CABIN1: variants seen among roughly 807,000 people sequenced by gnomAD.
CABIN1 encodes calcineurin-binding protein cabin-1.
In CABIN1, 133 loss-of-function variants were observed where a neutral mutation model predicts 227.7. The ratio of observed to expected loss-of-function variants is 0.58; its 90% CI spans 0.51 to 0.67. CABIN1 has a LOEUF of 0.67. Among genes scored for constraint, CABIN1 ranks in the 30% least tolerant of loss-of-function variants. The probability of loss-of-function intolerance (pLI) is 0.00; values close to 1 mark genes in which losing one functional copy is unlikely to be tolerated. For synonymous variants in CABIN1, 1,086 were observed against 1,155.1 expected, an observed-to-expected ratio of 0.94 and a Z score of 1.21; for missense variants, 2,408 against 2,852.5, an observed-to-expected ratio of 0.84 and a Z score of 3.55.
At chr22:24,033,251 TCA>T in intron 1 of CABIN1, among the ~76,000 whole-genome samples, 1 of 152,350 alleles carries the variant, frequency 6.6e-6, no homozygotes, top group African/African-American at 2.4e-5. Context: ...TTAAGAGAAC[TCA>T]GAGCCTATTG....
In CABIN1 at chr22:24,093,192, C is replaced by G. The variant is rs550158388; in HGVS notation, c.3786+1349C>G. Among the ~76,000 whole-genome samples the G allele has an allele frequency of 2.0e-5, 3 of 152,322 alleles. No individual in the cohort carries two copies. In the East Asian group the frequency reaches 5.8e-4, roughly 29 times the overall value. On this transcript the variant is annotated intron_variant, in intron 24 of 36. Transcript: ENST00000263119. ...TCGTACTGACTGATGAGAGTGTTTG[C>G]TTTCCCTCAGCCATATTGATGAGGT...
chr22:24,033,483 A>C (rs1343041443), intron 1 of CABIN1, among the ~76,000 whole-genome samples: 2 of 152,224 alleles, frequency 1.3e-5, no homozygotes, highest in Non-Finnish European at 2.9e-5. Flanking sequence ...TTAATTGATA[A>C]AAGTGGAGCA....
intron 4 of CABIN1, among the ~76,000 whole-genome samples, chr22:24,039,371 G>A (rs2037182713): frequency 6.6e-6 from 1 of 152,094 alleles, no homozygotes; most frequent in South Asian, 2.1e-4. Context: ...TGAGAAGAAA[G>A]CATCTGTTCC....
chr22:24,105,612 GT>G (rs2042468167), intron 26 of CABIN1, among the ~76,000 whole-genome samples: 1 of 152,116 alleles, frequency 6.6e-6, no homozygotes, highest in Non-Finnish European at 1.5e-5. Flanking sequence ...GTCCCTGGAG[GT>G]TCCATCCAGG....
intron 19 of CABIN1, among the ~76,000 whole-genome samples, chr22:24,082,143 G>A (rs2040851899): frequency 7.2e-6 from 1 of 139,676 alleles, no homozygotes; most frequent in Non-Finnish European, 1.5e-5. Flanking sequence ...TGCTAAGAGT[G>A]CAGTGGTACG....
intron 7 of CABIN1, 23 bp from the exon 8 acceptor site, chr22:24,050,802 C>A: frequency 6.2e-7 from 1 of 1,614,046 alleles, no homozygotes; most frequent in Non-Finnish European, 8.5e-7. Context: ...ATGATAATTT[C>A]TCCCTGTCTC....
intron 26 of CABIN1, among the ~76,000 whole-genome samples, chr22:24,104,846 G>A (rs574923547): frequency 3.1e-4 from 47 of 152,140 alleles, no homozygotes; most frequent in Admixed American, 5.2e-4. Flanking sequence ...TTTCCTGGTC[G>A]GCAGGACATT....
rs776841454 is a variant in CABIN1, at chr22:24,097,999, C to A, written c.3939-15C>A. ...TGGAGACTCTGACCTGTGCCCCAAA[C>A]CTCTGTTCCCACAGGGAGAAGGCCT... On this transcript the variant is annotated splice_polypyrimidine_tract_variant and intron_variant, in intron 25 of 36. Coordinates refer to ENST00000263119, the MANE Select transcript of CABIN1 (RefSeq NM_012295.4). 1.2e-6 allele frequency: 2 copies of A among 1,614,028 alleles called. No homozygotes were observed. Among genetic ancestry groups the A allele is most frequent in the African/African-American group, 1.3e-5 (1 of 74,924 alleles).
chr22:24,171,759 G>A lies in CABIN1; in HGVS notation c.5804G>A (p.Arg1935Gln), dbSNP rs376189661. Residue 1935 changes from arginine to glutamine, a missense_variant, in exon 34 of 37, where the codon CGA becomes CAA. Physicochemically the swap from Arg to Gln is conservative, Grantham distance 43. Transcript: ENST00000263119. ...ACTCCAAAGCACCCCAAAGACAGCC[G>A]AGAGAACTTCTTTCCTGTGACAGTG... ...PTTPKHPKDS[R>Q]ENFFPVTVVP... The A allele has an allele frequency of 6.1e-5, 99 of 1,614,066 alleles. No homozygotes were observed. The highest frequency in any genetic ancestry group is 1.6e-4 in the Middle Eastern group (1 of 6,084).
At chr22:24,089,973 T>C (rs2041434693) in intron 23 of CABIN1, among the ~76,000 whole-genome samples, 2 of 152,204 alleles carry the variant, frequency 1.3e-5, no homozygotes, top group African/African-American at 2.4e-5. Flanking sequence ...TGAGCCCCTC[T>C]CATGGGCACC....
Position 24,167,016 on chromosome 22 carries a change from T to G in CABIN1, c.5385T>G (p.Thr1795=). Residue 1795 remains threonine, a synonymous_variant, in exon 32 of 37, where the codon ACT becomes ACG. Coordinates refer to ENST00000263119, the MANE Select transcript of CABIN1 (RefSeq NM_012295.4). The part of the protein sequence containing the change: ...ARDRGPESRP[T]ELSLEELSIS... Reference sequence around the variant, plus strand: ...ACCGGGGCCCCGAGAGCCGGCCCACTGAGCTGTCCCTGGAGGAGCTGAGCA... The same window carrying G: ...ACCGGGGCCCCGAGAGCCGGCCCACGGAGCTGTCCCTGGAGGAGCTGAGCA... The G allele has an allele frequency of 4.5e-6, 7 of 1,556,982 alleles. No individual in the cohort carries two copies. The highest frequency in any genetic ancestry group is 6.1e-6 in the Non-Finnish European group (7 of 1,151,116).
chr22:24,070,980 A>G lies in CABIN1; in HGVS notation c.2413A>G (p.Ser805Gly). ...GGCCCTCTCTGCGGACAGCAGTGGT[A>G]GCATCCTGAAGGTATCATCCTCCAC... The part of the protein sequence containing the change: ...EQALSADSSG[S>G]ILKVSSSTTG... Residue 805 changes from serine (S) to glycine (G), a missense_variant, in exon 17 of 37, where the codon AGC becomes GGC. Physicochemically the swap from Ser to Gly is moderately conservative, Grantham distance 56. Around this residue, in one of 3 missense-constraint regions of CABIN1, gnomAD observed 1,045 missense variants for 1,168.4 expected, o/e 0.89. Coordinates refer to ENST00000263119, the MANE Select transcript of CABIN1 (RefSeq NM_012295.4). 1.2e-6 allele frequency: 2 copies of G among 1,614,244 alleles called. No homozygotes were observed. Among genetic ancestry groups the G allele is most frequent in the Non-Finnish European group, 1.7e-6 (2 of 1,180,034 alleles).
intron 28 of CABIN1, among the ~76,000 whole-genome samples, chr22:24,130,530 T>C (rs1033902249): frequency 6.6e-6 from 1 of 152,150 alleles, no homozygotes; most frequent in Non-Finnish European, 1.5e-5. Flanking sequence ...GGCATCATGT[T>C]GCCTTACCTC....
At chr22:24,125,515 G>C (rs975734478) in intron 28 of CABIN1, among the ~76,000 whole-genome samples, 1 of 152,226 alleles carries the variant, frequency 6.6e-6, no homozygotes, top group Non-Finnish European at 1.5e-5. Flanking sequence ...AGGGCCTGCT[G>C]TTGAGACCCT....
rs892465358 is a variant in CABIN1 at position 24,061,879 on chromosome 22, C to T, written c.1618-68C>T. 9.0e-6 allele frequency: 10 copies of T among 1,114,886 alleles called. No homozygotes were observed. In the Admixed American group the frequency reaches 1.0e-4, roughly 11 times the overall value. 69.1% of individuals were successfully genotyped at this position (1,114,886 alleles called of 1,614,324 possible). ...GTATAGTTTTGTTTCCTTCCACAGC[C>T]CCCTACCCCCCACACTGTGAAGAGG... On this transcript the variant is annotated intron_variant, in intron 12 of 36. Coordinates refer to ENST00000263119, the MANE Select transcript of CABIN1 (RefSeq NM_012295.4).
At chr22:24,059,641 A>G (rs1243362519) in intron 11 of CABIN1, among the ~76,000 whole-genome samples, 1 of 152,204 alleles carries the variant, frequency 6.6e-6, no homozygotes, top group Non-Finnish European at 1.5e-5. Flanking sequence ...GTATCAGTGT[A>G]TAACTGTTGA....
At chr22:24,027,021 T>C (rs2036143108) in intron 1 of CABIN1, among the ~76,000 whole-genome samples, 1 of 152,260 alleles carries the variant, frequency 6.6e-6, no homozygotes, top group Non-Finnish European at 1.5e-5. Context: ...TTCAACGTGG[T>C]ATGTCTTTCC....
chr22:24,129,424 A>G lies in CABIN1; in HGVS notation c.4633-4878A>G, dbSNP rs554927627. On this transcript the variant is annotated intron_variant, in intron 28 of 36. Transcript: ENST00000263119. The stretch of plus-strand genomic sequence containing the variant: ...TTGCTTAGCTGGCCCCAGGGAGCAT[A>G]GTGCTGGCACCCTGGCCTTGGGAAG... Among the ~76,000 whole-genome samples the G allele has an allele frequency of 1.3e-3, 196 of 152,284 alleles. 1 individual carries two copies. Among genetic ancestry groups the G allele is most frequent in the Middle Eastern group, 3.4e-3 (1 of 294 alleles).
chr22:24,049,056 T>G (rs1413627606), intron 6 of CABIN1, 35 bp from the exon 7 acceptor site: 5 of 1,611,948 alleles, frequency 3.1e-6, no homozygotes, highest in Non-Finnish European at 4.2e-6. Flanking sequence ...CTGAGTGCGG[T>G]CTCAGAAGTC....
Sources: gnomAD v4.1 joint callset for allele counts (sites outside exome capture counted in the v4.1 genomes callset) on GRCh38, gnomAD v4.1.1 for gene constraint, gnomAD v4.1.1 regional missense constraint, MANE v1.5 for transcripts, NCBI Gene and HGNC (gene_info 2026-07-23, HGNC 2026-07-21) for gene names.